The following PCDH15 variants were observed in gnomAD, a reference collection of about 807,000 sequenced individuals.
PCDH15 encodes the protein protocadherin related 15.
A neutral mutation model predicts 178.5 loss-of-function variants in PCDH15; 129 were observed. That is an observed-to-expected ratio of 0.72 (90% CI 0.63 to 0.84). PCDH15 has a LOEUF of 0.84. PCDH15 is among the 40% of genes least tolerant of loss of function. The pLI is 0.00. For synonymous variants in PCDH15, 800 were observed against 732.0 expected (o/e 1.09, Z -1.50); for missense variants, 2,230 against 2,099.9 (o/e 1.06, Z -1.21).
intron 26 of PCDH15, among the ~76,000 whole-genome samples, chr10:53,891,593 T>C (rs1417878892): frequency 6.6e-6 from 1 of 152,150 alleles, no homozygotes; most frequent in Non-Finnish European, 1.5e-5. Context: ...AACTACTTTA[T>C]TTTCATGTAT....
At chr10:54,505,315 CA>C (rs2081077702) in intron 3 of PCDH15, among the ~76,000 whole-genome samples, 2 of 152,060 alleles carry the variant, frequency 1.3e-5, no homozygotes, top group Non-Finnish European at 2.9e-5. Flanking sequence ...TAGCTAATAA[CA>C]TACTTAGGGC....
chr10:54,429,370 C>T (rs1589367419), intron 3 of PCDH15, among the ~76,000 whole-genome samples: 1 of 152,038 alleles, frequency 6.6e-6, no homozygotes, highest in African/African-American at 2.4e-5. Context: ...AAATTAAATC[C>T]TACTGCCAAG....
At chr10:55,463,908 AG>A (rs1839740501) in intron 2 of PCDH15, among the ~76,000 whole-genome samples, 5 of 12,026 alleles carry the variant, frequency 4.2e-4, no homozygotes, top group Non-Finnish European at 6.0e-4. Flanking sequence ...AGAGAAAGAA[AG>A]AAAGAAAGAA....
intron 32 of PCDH15, 84 bp downstream of exon 32, chr10:53,827,309 C>A: frequency 6.8e-7 from 1 of 1,476,816 alleles, no homozygotes; most frequent in South Asian, 1.5e-5. Context: ...TAGGCATTTC[C>A]ACATCAGATT....
chr10:55,497,980 T>C (rs1018793274), intron 2 of PCDH15, among the ~76,000 whole-genome samples: 6 of 151,894 alleles, frequency 4.0e-5, no homozygotes, highest in Non-Finnish European at 5.9e-5. Context: ...CGGATATGTA[T>C]AAATCTGTTG....
chr10:54,424,734 T>C (rs949853805), intron 3 of PCDH15, among the ~76,000 whole-genome samples: 30 of 151,704 alleles, frequency 2.0e-4, no homozygotes, highest in Non-Finnish European at 7.4e-5. Flanking sequence ...CTGGTAACCA[T>C]CATTCTGAGC....
At chr10:55,307,189 T>C (rs2132284550) in intron 1 of PCDH15, among the ~76,000 whole-genome samples, 1 of 152,170 alleles carries the variant, frequency 6.6e-6, no homozygotes, top group Admixed American at 6.5e-5. Context: ...ACATTTCTAA[T>C]CTCTTGCTTT....
chr10:54,969,140 T>C (rs574003038), intron 2 of PCDH15, among the ~76,000 whole-genome samples: 7 of 152,120 alleles, frequency 4.6e-5, no homozygotes, highest in Non-Finnish European at 8.8e-5. Context: ...TACCTAGTAA[T>C]GTTTCATTGG....
chr10:55,046,338 T>C (rs11004703), intron 2 of PCDH15, among the ~76,000 whole-genome samples: 13,141 of 151,824 alleles, frequency 0.087, 1,213 homozygotes, highest in African/African-American at 0.23. Flanking sequence ...ACAAATCCCA[T>C]GTGGTGATAT....
chr10:54,902,422 G>A (rs1954651743), intron 2 of PCDH15, among the ~76,000 whole-genome samples: 1 of 152,114 alleles, frequency 6.6e-6, no homozygotes, highest in South Asian at 2.1e-4. Context: ...TTTCTCAGGA[G>A]ATCTGGTTGT....
At chr10:54,971,915 C>T (rs974151296) in intron 2 of PCDH15, among the ~76,000 whole-genome samples, 6 of 152,172 alleles carry the variant, frequency 3.9e-5, no homozygotes, top group African/African-American at 1.4e-4. Flanking sequence ...CTTTCTATAT[C>T]TACATTTGGT....
chr10:54,384,325 C>G (rs1292652246), intron 3 of PCDH15, among the ~76,000 whole-genome samples: 1 of 39,614 alleles, frequency 2.5e-5, no homozygotes, highest in African/African-American at 6.5e-5. Context: ...AGATCCCCCC[C>G]CTTTTTTTTT....
chr10:55,358,737 C>T (rs1467994759), intron 2 of PCDH15, among the ~76,000 whole-genome samples: 2 of 151,994 alleles, frequency 1.3e-5, no homozygotes, highest in Non-Finnish European at 2.9e-5. Context: ...GTTACTGCCA[C>T]CCACTGACAC....
intron 2 of PCDH15, among the ~76,000 whole-genome samples, chr10:55,434,263 G>A (rs1838975784): frequency 6.6e-6 from 1 of 151,092 alleles, no homozygotes; most frequent in Admixed American, 6.6e-5. Context: ...GTAGAGACGG[G>A]GTTTCACTGG....
At chr10:55,228,137 A>G (rs767424363) in intron 1 of PCDH15, among the ~76,000 whole-genome samples, 3 of 152,080 alleles carry the variant, frequency 2.0e-5, no homozygotes, top group Non-Finnish European at 2.9e-5. Context: ...AATGAGGGAC[A>G]AGCACTTTGA....
chr10:54,386,114 G>A (rs1359016256), intron 3 of PCDH15, among the ~76,000 whole-genome samples: 1 of 145,430 alleles, frequency 6.9e-6, no homozygotes, highest in Non-Finnish European at 1.5e-5. Flanking sequence ...GTGTGTGTGT[G>A]TGTGTGTGTG....
intron 2 of PCDH15, among the ~76,000 whole-genome samples, chr10:55,501,326 CTT>C (rs1398948519): frequency 6.6e-6 from 1 of 151,634 alleles, no homozygotes; most frequent in Non-Finnish European, 1.5e-5. Flanking sequence ...TTAAATTGCT[CTT>C]GTTTTAAGCC....
intron 3 of PCDH15, among the ~76,000 whole-genome samples, chr10:54,391,118 G>T (rs2135312181): frequency 6.6e-6 from 1 of 152,278 alleles, no homozygotes; most frequent in African/African-American, 2.4e-5. Flanking sequence ...AGTATATAGA[G>T]AATATACACT....
intron 2 of PCDH15, among the ~76,000 whole-genome samples, chr10:55,329,704 GA>G (rs1426568799): frequency 2.0e-4 from 30 of 151,744 alleles, no homozygotes; most frequent in Non-Finnish European, 3.0e-5. Flanking sequence ...TCAATAAAGG[GA>G]GAGATTTGTG....
Sources: gnomAD v4.1 joint callset for allele counts (sites outside exome capture counted in the v4.1 genomes callset) on GRCh38, gnomAD v4.1.1 for gene constraint, MANE v1.5 for transcripts, NCBI Gene and HGNC (gene_info 2026-07-23, HGNC 2026-07-21) for gene names.